PRXL2A: variants seen among roughly 807,000 people sequenced by gnomAD.
The protein encoded by PRXL2A is peroxiredoxin like 2A.
Under a neutral mutation model 25.6 loss-of-function variants are expected in PRXL2A, and 26 were observed. The ratio of observed to expected loss-of-function variants is 1.02; its 90% CI spans 0.74 to 1.41. The LOEUF is 1.41. Ranked by LOEUF, PRXL2A falls within the 40% of genes most tolerant of loss-of-function variation. The probability of loss-of-function intolerance (pLI) is 0.00; values close to 1 mark genes in which losing one functional copy is unlikely to be tolerated. For synonymous variants in PRXL2A, 98 were observed against 102.9 expected (o/e 0.95, Z 0.29); for missense variants, 246 against 273.9 (o/e 0.90, Z 0.72).
chr10:80,411,370 G>A (rs1488193664), intron 1 of PRXL2A, among the ~76,000 whole-genome samples: 1 of 152,224 alleles, frequency 6.6e-6, no homozygotes, highest in Non-Finnish European at 1.5e-5. Context: ...CTGTTTACGG[G>A]CAGTCTTGCT....
At chr10:80,414,109 A>G (rs1844568919) in intron 1 of PRXL2A, among the ~76,000 whole-genome samples, 1 of 152,124 alleles carries the variant, frequency 6.6e-6, no homozygotes, top group Non-Finnish European at 1.5e-5. Context: ...TGGAGTTGAG[A>G]AAAATGGGGC....
chr10:80,416,059 A>G (rs1179376781), intron 1 of PRXL2A, among the ~76,000 whole-genome samples: 1 of 152,234 alleles, frequency 6.6e-6, no homozygotes. Flanking sequence ...TTGGAAGTGC[A>G]TAAAGGTACA....
intron 1 of PRXL2A, among the ~76,000 whole-genome samples, chr10:80,413,482 A>G (rs1844542444): frequency 6.6e-6 from 1 of 152,224 alleles, no homozygotes; most frequent in African/African-American, 2.4e-5. Context: ...GAGGAGCCAC[A>G]GAGAAAAGGA....
At chr10:80,430,089 CTTTTTTTTTT>C (rs753076825) in intron 5 of PRXL2A, among the ~76,000 whole-genome samples, 1 of 66,514 alleles carries the variant, frequency 1.5e-5, no homozygotes, top group Non-Finnish European at 2.5e-5. Context: ...TGGGGATTTC[CTTTTTTTTTT>C]TTTTTTTTTT....
At chr10:80,408,682 G>A (rs1456708190) in intron 1 of PRXL2A, 39 bp downstream of exon 1, 1 of 152,532 alleles carries the variant, frequency 6.6e-6, no homozygotes, top group African/African-American at 2.4e-5. Context: ...GGCACGTGAT[G>A]TCCGTAGGCG....
At chr10:80,424,846 C>A (rs922239792) in intron 3 of PRXL2A, among the ~76,000 whole-genome samples, 4 of 152,108 alleles carry the variant, frequency 2.6e-5, no homozygotes, top group Non-Finnish European at 5.9e-5. Context: ...GGGCGAGTAG[C>A]GTGGGCGACA....
At chr10:80,423,664 T>G (rs1405435483) in intron 3 of PRXL2A, among the ~76,000 whole-genome samples, 1 of 152,234 alleles carries the variant, frequency 6.6e-6, no homozygotes, top group African/African-American at 2.4e-5. Context: ...ACCATAGCCC[T>G]TGGAAATACA....
intron 1 of PRXL2A, among the ~76,000 whole-genome samples, chr10:80,419,513 A>T (rs1182975041): frequency 7.0e-6 from 1 of 143,638 alleles, no homozygotes; most frequent in Non-Finnish European, 1.5e-5. Context: ...TCTTCATGTT[A>T]GTCAGGCTGG....
chr10:80,410,324 C>G (rs1844435440), intron 1 of PRXL2A, among the ~76,000 whole-genome samples: 1 of 152,252 alleles, frequency 6.6e-6, no homozygotes, highest in African/African-American at 2.4e-5. Context: ...GTGTCCTTTG[C>G]CTTCTCTGGC....
chr10:80,412,872 AG>A (rs915289817), intron 1 of PRXL2A, among the ~76,000 whole-genome samples: 8 of 152,160 alleles, frequency 5.3e-5, no homozygotes, highest in African/African-American at 1.9e-4. Context: ...AGGTGTAATC[AG>A]GTGGGGGTGT....
intron 1 of PRXL2A, chr10:80,419,979 CAG>C: frequency 1.0e-6 from 1 of 985,394 alleles, no homozygotes; most frequent in Non-Finnish European, 1.2e-6. Flanking sequence ...GGGAACAAAA[CAG>C]TGCGGTTGGT....
intron 1 of PRXL2A, chr10:80,409,155 C>T (rs1844382799): frequency 3.7e-6 from 3 of 817,244 alleles, no homozygotes; most frequent in Non-Finnish European, 4.4e-6. Context: ...CGTTGTTCAG[C>T]GTTTCGGAGG....
chr10:80,412,272 G>A (rs929877828), intron 1 of PRXL2A, among the ~76,000 whole-genome samples: 4 of 152,122 alleles, frequency 2.6e-5, no homozygotes, highest in African/African-American at 7.2e-5. Flanking sequence ...GCAGTAGAGC[G>A]AGGACCCAGC....
chr10:80,420,448 C>A lies in PRXL2A; in HGVS notation c.-2-18C>A. 6.4e-7 allele frequency: 1 copy of A among 1,558,876 alleles called. No individual in the cohort carries two copies. Among genetic ancestry groups the A allele is most frequent in the South Asian group, 1.2e-5 (1 of 82,748 alleles). On this transcript the variant is annotated intron_variant, in intron 1 of 5. Coordinates refer to ENST00000606162, the MANE Select transcript of PRXL2A (RefSeq NM_032333.5). ...CTGTGGGAGCAGTAACGCCTTCTTC[C>A]TTCTTCTCAATCTCCAGAAATGTCT... is the stretch of plus-strand genomic sequence containing the variant.
intron 5 of PRXL2A, among the ~76,000 whole-genome samples, chr10:80,430,392 G>A (rs573155800): frequency 1.2e-4 from 18 of 152,160 alleles, no homozygotes; most frequent in African/African-American, 4.3e-4. Flanking sequence ...GTGAGCCGCC[G>A]CACCCTGCCT....
chr10:80,420,169 G>A (rs1844812578), intron 1 of PRXL2A: 1 of 1,043,016 alleles, frequency 9.6e-7, no homozygotes. Flanking sequence ...GCAACTTGGG[G>A]CATGAGAAGA....
chr10:80,416,808 A>G (rs1844675131), intron 1 of PRXL2A, among the ~76,000 whole-genome samples: 1 of 152,230 alleles, frequency 6.6e-6, no homozygotes, highest in Non-Finnish European at 1.5e-5. Context: ...AAAAGGCAGT[A>G]TAAGATTCCT....
chr10:80,432,233 T>C lies in PRXL2A; in HGVS notation c.*134T>C. The C allele has an allele frequency of 1.7e-6, 1 of 584,068 alleles. No homozygotes were observed. The highest frequency in any genetic ancestry group is 2.4e-5 in the South Asian group (1 of 40,926). The allele number at this position is 584,068 out of a possible 1,614,324, so 36.2% of individuals were successfully genotyped here. A position where few individuals can be genotyped will look rare whatever the true frequency, so the allele number is the denominator to read the frequency against. ...ACTCTCAGTATGGATTATTAATGTA[T>C]TTTAATATTCTGTTTAGGCCCACTA... On this transcript the variant is annotated 3_prime_UTR_variant, in exon 6 of 6. Transcript: ENST00000606162.
chr10:80,422,830 A>G (rs1844918139), intron 3 of PRXL2A, among the ~76,000 whole-genome samples: 1 of 152,050 alleles, frequency 6.6e-6, no homozygotes, highest in Non-Finnish European at 1.5e-5. Flanking sequence ...CATGCTTCTG[A>G]TGCTCAGCAC....
Sources: gnomAD v4.1 joint callset for allele counts (sites outside exome capture counted in the v4.1 genomes callset) on GRCh38, gnomAD v4.1.1 for gene constraint, MANE v1.5 for transcripts, NCBI Gene and HGNC (gene_info 2026-07-23, HGNC 2026-07-21) for gene names.